The following PRKCB variants were observed in gnomAD, a reference collection of about 807,000 sequenced individuals.
PRKCB encodes protein kinase C beta.
Under a neutral mutation model 81.5 loss-of-function variants are expected in PRKCB, and 13 were observed. The observed-to-expected ratio is 0.16, with a 90% CI of 0.10 to 0.25. The LOEUF (loss-of-function observed/expected upper bound fraction) is 0.25. Among genes scored for constraint, PRKCB ranks in the 10% least tolerant of loss-of-function variants. PRKCB has a pLI of 1.00. For missense variants in PRKCB, 509 were observed against 875.7 expected (o/e 0.58, Z 5.29); for synonymous variants, 335 against 321.4 (o/e 1.04, Z -0.45).
chr16:24,004,195 G>A (rs890223911), intron 3 of PRKCB, among the ~76,000 whole-genome samples: 1 of 152,038 alleles, frequency 6.6e-6, no homozygotes, highest in African/African-American at 2.4e-5. Flanking sequence ...CAATGTAAAT[G>A]GATTGAAATT....
intron 3 of PRKCB, among the ~76,000 whole-genome samples, chr16:24,016,371 G>C (rs1396176126): frequency 6.6e-6 from 1 of 151,930 alleles, no homozygotes; most frequent in Non-Finnish European, 1.5e-5. Context: ...GGCATACCCG[G>C]GCTAAGAGCT....
At chr16:24,055,344 G>C (rs1375150773) in intron 5 of PRKCB, among the ~76,000 whole-genome samples, 1 of 152,214 alleles carries the variant, frequency 6.6e-6, no homozygotes, top group African/African-American at 2.4e-5. Context: ...CTGCCTGCTG[G>C]GTTCTGAGAA....
chr16:24,144,189 A>T (rs1205157331), intron 9 of PRKCB, among the ~76,000 whole-genome samples: 2 of 152,146 alleles, frequency 1.3e-5, no homozygotes, highest in African/African-American at 4.8e-5. Context: ...GAGAAAAAAA[A>T]GAAAAGAGAA....
intron 2 of PRKCB, among the ~76,000 whole-genome samples, chr16:23,889,446 C>G (rs1368405688): frequency 1.3e-5 from 2 of 152,210 alleles, no homozygotes; most frequent in African/African-American, 4.8e-5. Context: ...TAAGTGTTAG[C>G]TATTAGCATT....
At chr16:24,099,440 A>G (rs1966477803) in intron 7 of PRKCB, 2 of 152,212 alleles carry the variant, frequency 1.3e-5, no homozygotes, top group South Asian at 4.1e-4. Flanking sequence ...CTGGGGAAAC[A>G]CAAACCCAAG....
intron 2 of PRKCB, among the ~76,000 whole-genome samples, chr16:23,967,895 T>C (rs866813750): frequency 1.6e-4 from 25 of 152,324 alleles, no homozygotes; most frequent in African/African-American, 4.6e-4. Flanking sequence ...TCAAGTGAGG[T>C]CCACCTGCCG....
chr16:24,158,331 C>G (rs966748505), intron 10 of PRKCB, among the ~76,000 whole-genome samples: 6 of 152,064 alleles, frequency 3.9e-5, no homozygotes, highest in African/African-American at 1.2e-4. Flanking sequence ...ATAATGCCTA[C>G]TATATGTGAG....
chr16:23,855,257 C>T (rs1962545401), intron 2 of PRKCB, among the ~76,000 whole-genome samples: 1 of 152,056 alleles, frequency 6.6e-6, no homozygotes, highest in East Asian at 1.9e-4. Context: ...CGGATGAGGT[C>T]TGATGACTTA....
At chr16:23,944,978 C>T (rs1479514187) in intron 2 of PRKCB, among the ~76,000 whole-genome samples, 2 of 151,914 alleles carry the variant, frequency 1.3e-5, no homozygotes, top group Non-Finnish European at 2.9e-5. Flanking sequence ...AAGGAGGTTC[C>T]GATGAGCAAA....
At chr16:23,889,157 TCCATCCATCCATC>T (rs2141115423) in intron 2 of PRKCB, among the ~76,000 whole-genome samples, 1 of 140,398 alleles carries the variant, frequency 7.1e-6, no homozygotes, top group South Asian at 2.1e-4. Flanking sequence ...CATCCATCCA[TCCATCCATCCATC>T]CGTCCATCCA....
At chr16:24,057,788 A>C (rs916826787) in intron 5 of PRKCB, among the ~76,000 whole-genome samples, 1 of 151,426 alleles carries the variant, frequency 6.6e-6, no homozygotes, top group Non-Finnish European at 1.5e-5. Flanking sequence ...CCTTGCTAGG[A>C]CTCAGCTCGG....
chr16:24,207,721 TG>T (rs1375788239), intron 16 of PRKCB, among the ~76,000 whole-genome samples: 1 of 152,186 alleles, frequency 6.6e-6, no homozygotes, highest in African/African-American at 2.4e-5. Flanking sequence ...TGTATTTTGA[TG>T]GGGTAAATCC....
intron 5 of PRKCB, among the ~76,000 whole-genome samples, chr16:24,092,101 A>T (rs1567371147): frequency 6.6e-6 from 1 of 152,224 alleles, no homozygotes; most frequent in Non-Finnish European, 1.5e-5. Context: ...GACAACCATC[A>T]TCTCTATCTA....
intron 2 of PRKCB, among the ~76,000 whole-genome samples, chr16:23,982,777 G>A (rs1964755742): frequency 6.6e-6 from 1 of 152,162 alleles, no homozygotes; most frequent in Non-Finnish European, 1.5e-5. Context: ...GTGGGAGGTG[G>A]ATAGAGCCGG....
At chr16:24,070,864 G>A (rs896991371) in intron 5 of PRKCB, among the ~76,000 whole-genome samples, 4 of 152,168 alleles carry the variant, frequency 2.6e-5, no homozygotes, top group African/African-American at 9.7e-5. Flanking sequence ...AACAAGTAAA[G>A]CAAGTACATA....
intron 11 of PRKCB, among the ~76,000 whole-genome samples, chr16:24,173,482 G>T (rs1482833302): frequency 6.6e-6 from 1 of 152,174 alleles, no homozygotes; most frequent in Non-Finnish European, 1.5e-5. Flanking sequence ...TGGACAGGTT[G>T]TGAGCACTAT....
chr16:24,128,142 C>T (rs933993260), intron 9 of PRKCB, among the ~76,000 whole-genome samples: 3 of 152,092 alleles, frequency 2.0e-5, no homozygotes, highest in Non-Finnish European at 4.4e-5. Flanking sequence ...TTTGGGAGGC[C>T]AAGGTGGGCA....
At chr16:24,053,973 T>C (rs1965875010) in intron 5 of PRKCB, among the ~76,000 whole-genome samples, 1 of 152,092 alleles carries the variant, frequency 6.6e-6, no homozygotes, top group South Asian at 2.1e-4. Flanking sequence ...TTCCTTTAAG[T>C]TTTATTTATT....
rs564644419 is a variant in PRKCB at position 24,063,381 on chromosome 16, G to A, written c.529+27834G>A. Among the ~76,000 whole-genome samples the A allele has an allele frequency of 9.3e-5, 14 of 150,612 alleles. No individual in the cohort carries two copies. In the South Asian group the frequency reaches 2.3e-3, roughly 25 times the overall value. ...ATGATCTTGGCTCTCTACAACCTCC[G>A]CCTCCTGAGTTCAAGCGATTCTCCT... On this transcript the variant is annotated intron_variant, in intron 5 of 16. Coordinates refer to ENST00000643927, the MANE Select transcript of PRKCB (RefSeq NM_002738.7).
Sources: allele counts gnomAD v4.1 joint callset (sites outside exome capture counted in the v4.1 genomes callset), GRCh38; gene constraint gnomAD v4.1.1; transcripts MANE v1.5; gene names NCBI Gene and HGNC (gene_info 2026-07-23, HGNC 2026-07-21).